ABCA4: variants seen among roughly 807,000 people sequenced by gnomAD.
ABCA4 encodes the protein ATP binding cassette subfamily A member 4.
Under a neutral mutation model 263.7 loss-of-function variants are expected in ABCA4, and 196 were observed. The ratio of observed to expected loss-of-function variants is 0.74; its 90% CI spans 0.66 to 0.84. The LOEUF (loss-of-function observed/expected upper bound fraction) is 0.84. ABCA4 is among the 40% of genes least tolerant of loss of function. The pLI is 0.00. For missense variants in ABCA4, 2,792 were observed against 2,855.1 expected, an observed-to-expected ratio of 0.98 and a Z score of 0.50; for synonymous variants, 1,133 against 1,094.2, an observed-to-expected ratio of 1.04 and a Z score of -0.70.
Position 94,108,605 on chromosome 1 carries a change from G to A in ABCA4, c.414C>T (p.Thr138=). ...ELHILSQFMD[T]LRTHPERIAG... ...CAATTCTCTCCGGGTGAGTCCGGAGGGTGTCCATGAATTGGGACAAGATGT... is the reference window on the plus strand; with the variant it reads ...CAATTCTCTCCGGGTGAGTCCGGAGAGTGTCCATGAATTGGGACAAGATGT... The change falls in exon 4 of 50, where the codon ACC becomes ACT. Residue 138 remains threonine (T), a synonymous_variant. Coordinates refer to ENST00000370225, the MANE Select transcript of ABCA4 (RefSeq NM_000350.3). 1 of 1,613,656 alleles carries A rather than the reference G, an allele frequency of 6.2e-7. No individual in the cohort carries two copies. The highest frequency in any genetic ancestry group is 8.5e-7 in the Non-Finnish European group (1 of 1,179,992).
In ABCA4 at chr1:93,998,092, G is replaced by C. The variant is rs61751379; in HGVS notation, c.6498C>G (p.Ile2166Met). 70 of 1,614,160 alleles carry C rather than the reference G, an allele frequency of 4.3e-5. No individual in the cohort carries two copies. In the East Asian group the frequency reaches 1.3e-3, roughly 30 times the overall value. Residue 2166 changes from isoleucine (I) to methionine (M), a missense_variant, in exon 48 of 50, where the codon ATC (isoleucine) becomes ATG (methionine). Coordinates refer to ENST00000370225, the MANE Select transcript of ABCA4 (RefSeq NM_000350.3). ...HLKSKFGDGY[I>M]VTMKIKSPKD... ...TCGGGGATTTGATCTTCATTGTGAC[G>C]ATATAGCCATCTCCAAATCTAGGGG...
Position 94,031,839 on chromosome 1 carries a change from T to G in ABCA4, c.4067A>C (p.Gln1356Pro), listed in dbSNP as rs994570602. Residue 1356 changes from glutamine to proline, a missense_variant, in exon 27 of 50, where the codon CAG becomes CCG. Transcript: ENST00000370225. ...TTGGAATCTCTTGACCAGCAGCGCCTGCACATGCTGGAGGACCAGCTGTGT... is the reference window on the plus strand; with the variant it reads ...TTGGAATCTCTTGACCAGCAGCGCCGGCACATGCTGGAGGACCAGCTGTGT... Reference protein sequence around the residue: ...TGTQLVLQHVQALLVKRFQHT... With the variant: ...TGTQLVLQHVPALLVKRFQHT... The G allele has an allele frequency of 1.5e-5, 24 of 1,614,170 alleles. No homozygotes were observed. The highest frequency in any genetic ancestry group is 1.7e-5 in the Non-Finnish European group (20 of 1,180,038).
At chr1:94,034,721 G>C (rs1304189813) in intron 26 of ABCA4, among the ~76,000 whole-genome samples, 2 of 151,666 alleles carry the variant, frequency 1.3e-5, no homozygotes, top group Non-Finnish European at 2.9e-5. Context: ...TCCAACCTCT[G>C]TGAGCTCAGT....
intron 11 of ABCA4, among the ~76,000 whole-genome samples, chr1:94,071,790 T>G (rs1171615949): frequency 6.6e-6 from 1 of 152,204 alleles, no homozygotes; most frequent in Non-Finnish European, 1.5e-5. Flanking sequence ...ATATGTTTCT[T>G]AGAGACTAGA....
Position 94,112,962 on chromosome 1 carries a change from G to C in ABCA4, c.160+11C>G, listed in dbSNP as rs753450654. 1 of 1,608,566 alleles carries C rather than the reference G, an allele frequency of 6.2e-7. No homozygotes were observed. Among genetic ancestry groups the C allele is most frequent in the Admixed American group, 1.7e-5 (1 of 60,026 alleles). The stretch of plus-strand genomic sequence containing the variant: ...CTTCAGGGCTTGCCCAAGCTACCCT[G>C]CTATGCTTACATTCATGATGGCTGT... On this transcript the variant is annotated intron_variant, in intron 2 of 49. Coordinates refer to ENST00000370225, the MANE Select transcript of ABCA4 (RefSeq NM_000350.3).
chr1:94,092,080 T>C (rs1661984122), intron 6 of ABCA4, among the ~76,000 whole-genome samples: 1 of 152,254 alleles, frequency 6.6e-6, no homozygotes, highest in Non-Finnish European at 1.5e-5. Flanking sequence ...GAATGTTTTG[T>C]TGTTTTACTT....
At chr1:94,018,625 A>G in intron 36 of ABCA4, 1 of 455,818 alleles carries the variant, frequency 2.2e-6, no homozygotes, top group Non-Finnish European at 4.4e-6. Context: ...GGTCTCCATC[A>G]GTTGGTATAT....
intron 4 of ABCA4, among the ~76,000 whole-genome samples, chr1:94,106,464 C>T (rs1358291571): frequency 1.3e-5 from 2 of 152,144 alleles, no homozygotes; most frequent in Admixed American, 6.5e-5. Flanking sequence ...GGACAGCCCA[C>T]GTCTGCATCT....
chr1:94,013,006 G>GAAGGTGGGTGCTTT (rs1557764662), intron 38 of ABCA4, among the ~76,000 whole-genome samples: 1 of 152,176 alleles, frequency 6.6e-6, no homozygotes. Flanking sequence ...AAAATACCAG[G>GAAGGTGGGTGCTTT]TTTTTGAAGG....
chr1:94,093,093 C>T (rs1662011060), intron 6 of ABCA4, among the ~76,000 whole-genome samples: 1 of 152,106 alleles, frequency 6.6e-6, no homozygotes, highest in South Asian at 2.1e-4. Context: ...GCTGCCCAGG[C>T]CTGTGGTCCT....
chr1:94,037,491 C>T, intron 24 of ABCA4, 141 bp from the exon 25 acceptor site: 1 of 790,588 alleles, frequency 1.3e-6, no homozygotes, highest in Non-Finnish European at 2.1e-6. Flanking sequence ...TTTCAGAGGA[C>T]TGATGCTCCA....
intron 28 of ABCA4, 111 bp downstream of exon 28, chr1:94,030,885 T>A: frequency 1.3e-6 from 2 of 1,500,784 alleles, no homozygotes; most frequent in South Asian, 2.3e-5. Context: ...CCCTCCCCTC[T>A]CTCATTGGTG....
At chr1:93,995,138 A>AG (rs1658964586) in intron 49 of ABCA4, among the ~76,000 whole-genome samples, 1 of 152,160 alleles carries the variant, frequency 6.6e-6, no homozygotes, top group African/African-American at 2.4e-5. Context: ...CTGGCAGGTA[A>AG]GGGGTGGGAA....
intron 12 of ABCA4, 141 bp from the exon 13 acceptor site, chr1:94,062,894 T>C (rs1661171148): frequency 9.2e-7 from 1 of 1,087,028 alleles, no homozygotes; most frequent in Non-Finnish European, 1.4e-6. Flanking sequence ...TATTTCCTAG[T>C]CCTCAGTTTA....
At chr1:94,038,767 C>T (rs1056619728) in intron 24 of ABCA4, among the ~76,000 whole-genome samples, 6 of 152,108 alleles carry the variant, frequency 3.9e-5, no homozygotes, top group Non-Finnish European at 8.8e-5. Flanking sequence ...CTCTGTAGGT[C>T]AGCAGGGCTT....
intron 5 of ABCA4, among the ~76,000 whole-genome samples, chr1:94,101,242 T>A (rs1323626560): frequency 1.3e-5 from 2 of 152,190 alleles, no homozygotes; most frequent in African/African-American, 4.8e-5. Flanking sequence ...TATTACCAAC[T>A]GGAAGTCATC....
chr1:94,030,151 T>C (rs1463056638), intron 29 of ABCA4, among the ~76,000 whole-genome samples: 1 of 152,172 alleles, frequency 6.6e-6, no homozygotes, highest in East Asian at 1.9e-4. Context: ...CAGAGGCCTT[T>C]CAAATAAGTT....
chr1:94,120,804 G>A (rs1225490239), intron 1 of ABCA4, among the ~76,000 whole-genome samples, 176 bp downstream of exon 1: 2 of 152,098 alleles, frequency 1.3e-5, no homozygotes, highest in Admixed American at 1.3e-4. Context: ...TGTCAGAGGG[G>A]CCCACAGAAA....
rs1659541998 is a variant in ABCA4 at position 94,011,349 on chromosome 1, G to A, written c.5497C>T (p.Leu1833Phe). 6.2e-7 allele frequency: 1 copy of A among 1,613,986 alleles called. No individual in the cohort carries two copies. The highest frequency in any genetic ancestry group is 8.5e-7 in the Non-Finnish European group (1 of 1,180,018). The change falls in exon 39 of 50, where the codon CTC becomes TTC. Residue 1833 changes from leucine (L) to phenylalanine (F), a missense_variant. Leu to Phe is a conservative substitution (Grantham distance 22). Coordinates refer to ENST00000370225, the MANE Select transcript of ABCA4 (RefSeq NM_000350.3). ...LRFNAVLRKLLIVFPHFCLGR... is the reference protein window; with the variant it reads ...LRFNAVLRKLFIVFPHFCLGR... ...AGGCAGAAGTGGGGGAAGACAATGA[G>A]CAGCTTCCTCAGCACGGCGTTGAAC...
Sources: gnomAD v4.1 joint callset for allele counts (sites outside exome capture counted in the v4.1 genomes callset) on GRCh38, gnomAD v4.1.1 for gene constraint, MANE v1.5 for transcripts, NCBI Gene and HGNC (gene_info 2026-07-23, HGNC 2026-07-21) for gene names.